KALRN: variants seen among roughly 807,000 people sequenced by gnomAD.
KALRN encodes kalirin RhoGEF kinase, also known as kalirin.
A neutral mutation model predicts 353.7 loss-of-function variants in KALRN; 70 were observed. That is an observed-to-expected ratio of 0.20 (90% CI 0.16 to 0.24). The LOEUF is 0.24. Among genes scored for constraint, KALRN ranks in the 10% least tolerant of loss-of-function variants. The pLI, the probability that KALRN is intolerant of heterozygous loss-of-function variation, is 1.00. For synonymous variants in KALRN, 1,391 were observed against 1,434.8 expected (o/e 0.97, Z 0.69); for missense variants, 2,791 against 3,756.7 (o/e 0.74, Z 6.72).
At chr3:124,712,656 GA>G (rs33926628) in intron 57 of KALRN, among the ~76,000 whole-genome samples, 124 of 91,682 alleles carry the variant, frequency 1.4e-3, no homozygotes, top group South Asian at 3.9e-3. Context: ...CCCTGTCTCA[GA>G]AAAAAAAAAA....
intron 46 of KALRN, among the ~76,000 whole-genome samples, 169 bp downstream of exon 46, chr3:124,666,803 T>C (rs995040007): frequency 2.0e-5 from 3 of 152,190 alleles, no homozygotes; most frequent in Non-Finnish European, 4.4e-5. Flanking sequence ...TGAGCTGAAG[T>C]GACAGGCTGA....
intron 28 of KALRN, among the ~76,000 whole-genome samples, chr3:124,486,092 G>A (rs139372188): frequency 6.8e-4 from 104 of 152,190 alleles, no homozygotes; most frequent in African/African-American, 2.0e-3. Context: ...GAAACTTTAC[G>A]TCAGAGTGCT....
chr3:124,338,518 C>T (rs372293588), intron 9 of KALRN, among the ~76,000 whole-genome samples: 7 of 152,140 alleles, frequency 4.6e-5, no homozygotes, highest in African/African-American at 9.6e-5. Context: ...TTATTATTTC[C>T]GTTCTTTTGC....
chr3:124,520,460 C>G (rs1378571052), intron 33 of KALRN, among the ~76,000 whole-genome samples: 3 of 152,064 alleles, frequency 2.0e-5, no homozygotes, highest in East Asian at 3.9e-4. Context: ...CCCCTCCAGC[C>G]AAGACTAGCT....
chr3:124,664,370 T>TGTGTGTGCGCGCGCGC (rs370394911), intron 45 of KALRN, among the ~76,000 whole-genome samples: 2 of 129,534 alleles, frequency 1.5e-5, no homozygotes, highest in East Asian at 2.3e-4. Flanking sequence ...TGTGTGTGTG[T>TGTGTGTGCGCGCGCGC]GCGCGCGCGC....
intron 33 of KALRN, among the ~76,000 whole-genome samples, chr3:124,520,981 G>A (rs887288932): frequency 6.6e-5 from 10 of 152,188 alleles, no homozygotes; most frequent in South Asian, 2.1e-4. Flanking sequence ...CTGGGCTGAT[G>A]GCCCAGGTGC....
At position 124,605,586 on chromosome 3, in the gene KALRN, A is replaced by AAGAGAGAG. The variant is rs1161536035; in HGVS notation, c.5183-26828_5183-26821dup. ...GGACTCCATCTAAAAAAAAAAAAAAAAGAGAGAGAGAGAATAGGTGCATTA... is the reference window on the plus strand; with the variant it reads ...GGACTCCATCTAAAAAAAAAAAAAAAAGAGAGAGAGAGAGAGAGAGAATAGGTGCATTA... On this transcript the variant is annotated intron_variant, in intron 34 of 59. Coordinates refer to ENST00000682506, the MANE Select transcript of KALRN (RefSeq NM_001388419.1). Among the ~76,000 whole-genome samples the AAGAGAGAG allele has an allele frequency of 2.2e-4, 31 of 142,312 alleles. 1 individual carries two copies. Among genetic ancestry groups the AAGAGAGAG allele is most frequent in the East Asian group, 6.5e-4 (3 of 4,608 alleles). 93.4% of individuals were successfully genotyped at this position (142,312 alleles called of 152,430 possible). A position where few individuals can be genotyped will look rare whatever the true frequency, so the allele number is the denominator to read the frequency against.
At chr3:124,674,239 A>G (rs959444667) in intron 48 of KALRN, 125 bp from the exon 49 acceptor site, 11 of 854,636 alleles carry the variant, frequency 1.3e-5, no homozygotes, top group Non-Finnish European at 1.8e-5. Flanking sequence ...TCAAGAGAGA[A>G]TGCTGCCTGC....
rs2087257247 is a variant in KALRN, at chr3:124,380,825, GAT to G, written c.1771-4016_1771-4015del. ...ATTTCAAGGCTGTGCCAGGAGGTAG[GAT>G]ATACCAAATAAAATTGAACATTGAA... On this transcript the variant is annotated intron_variant, in intron 10 of 59. Coordinates refer to ENST00000682506, the MANE Select transcript of KALRN (RefSeq NM_001388419.1). 2.6e-5 allele frequency among the ~76,000 whole-genome samples: 4 copies of G among 152,194 alleles called. No individual in the cohort carries two copies. In the South Asian group the frequency reaches 8.3e-4, roughly 32 times the overall value.
chr3:124,583,655 G>C (rs908343302), intron 34 of KALRN, among the ~76,000 whole-genome samples: 7 of 152,100 alleles, frequency 4.6e-5, no homozygotes, highest in African/African-American at 1.7e-4. Flanking sequence ...GAGGAGGACT[G>C]GTTCCTCAAA....
chr3:124,490,611 C>G, intron 29 of KALRN, 83 bp from the exon 30 acceptor site: 1 of 1,331,016 alleles, frequency 7.5e-7, no homozygotes, highest in Non-Finnish European at 1.0e-6. Flanking sequence ...TAAGAGAGGC[C>G]TTTCTCCAAG....
chr3:124,194,442 G>A (rs1579223345), intron 1 of KALRN, among the ~76,000 whole-genome samples: 1 of 152,006 alleles, frequency 6.6e-6, no homozygotes, highest in East Asian at 1.9e-4. Flanking sequence ...CGAGCCTCCC[G>A]AGGCTTCAGT....
At chr3:124,712,849 C>A in intron 57 of KALRN, 86 bp from the exon 58 acceptor site, 2 of 887,786 alleles carry the variant, frequency 2.3e-6, no homozygotes, top group Non-Finnish European at 1.8e-6. Context: ...TATCTGACCA[C>A]TTCCCACAAA....
intron 37 of KALRN, among the ~76,000 whole-genome samples, chr3:124,637,969 C>T (rs1038185447): frequency 2.1e-4 from 32 of 152,140 alleles, no homozygotes; most frequent in Admixed American, 1.3e-3. Flanking sequence ...TGAAAGGGCC[C>T]CTTTTTGGAT....
chr3:124,613,144 C>T (rs2078191984), intron 34 of KALRN, among the ~76,000 whole-genome samples: 1 of 152,170 alleles, frequency 6.6e-6, no homozygotes, highest in African/African-American at 2.4e-5. Context: ...GAGTAGCAAT[C>T]TTTGGGCCTT....
At chr3:124,118,876 A>G (rs2063712081) in intron 1 of KALRN, among the ~76,000 whole-genome samples, 1 of 152,196 alleles carries the variant, frequency 6.6e-6, no homozygotes, top group South Asian at 2.1e-4. Context: ...TTTCAGCAGT[A>G]TATGTATCCC....
In KALRN at chr3:124,157,593, G is replaced by T. The variant is rs113783045; in HGVS notation, c.74-70397G>T. Reference sequence around the variant, plus strand: ...TATAAATACCTTTAAGAAGTTACACGCAGAGGGAGTTTAGTTTTAGTACAA... The same window carrying T: ...TATAAATACCTTTAAGAAGTTACACTCAGAGGGAGTTTAGTTTTAGTACAA... On this transcript the variant is annotated intron_variant, in intron 1 of 59. Coordinates refer to ENST00000682506, the MANE Select transcript of KALRN (RefSeq NM_001388419.1). Among the ~76,000 whole-genome samples the T allele has an allele frequency of 5.8e-4, 89 of 152,296 alleles. 1 individual carries two copies. Among genetic ancestry groups the T allele is most frequent in the African/African-American group, 2.0e-3 (84 of 41,564 alleles).
chr3:124,497,605 T>A (rs913941000), intron 33 of KALRN, among the ~76,000 whole-genome samples: 4 of 152,218 alleles, frequency 2.6e-5, no homozygotes, highest in African/African-American at 9.6e-5. Context: ...TTTAAGCCAT[T>A]TTCTACTGAC....
intron 1 of KALRN, among the ~76,000 whole-genome samples, chr3:124,093,169 A>T (rs551558546): frequency 2.2e-4 from 33 of 152,192 alleles, no homozygotes; most frequent in Non-Finnish European, 4.6e-4. Context: ...TACCCCCTGG[A>T]CGTGCCTCCT....
Sources: allele counts gnomAD v4.1 joint callset (sites outside exome capture counted in the v4.1 genomes callset), GRCh38; gene constraint gnomAD v4.1.1; transcripts MANE v1.5; gene names NCBI Gene and HGNC (gene_info 2026-07-23, HGNC 2026-07-21).